PUM1: variants seen among roughly 807,000 people sequenced by gnomAD.
PUM1 encodes pumilio homolog 1.
In PUM1, 13 loss-of-function variants were observed where a neutral mutation model predicts 131.8. The observed-to-expected ratio is 0.10, with a 90% CI of 0.06 to 0.16. The LOEUF is 0.16. PUM1 is among the 10% of genes least tolerant of loss of function. PUM1 has a pLI of 1.00. For missense variants in PUM1, 961 were observed against 1,512.4 expected (o/e 0.64, Z 6.05); for synonymous variants, 509 against 556.5 (o/e 0.91, Z 1.20).
chr1:30,968,400 C>A lies in PUM1; in HGVS notation c.1599G>T (p.Val533=), dbSNP rs1408439696. 6 of 1,594,402 alleles carry A rather than the reference C, an allele frequency of 3.8e-6. No homozygotes were observed. The highest frequency in any genetic ancestry group is 4.3e-6 in the Non-Finnish European group (5 of 1,170,480). ...CTTGTCCAAATGCAAGGGCAGAATT[C>A]ACTGCTGCAGCTGCCACAAGGGGAT... The part of the protein sequence containing the change: ...QTDPLVAAAA[V]NSALAFGQGL... Residue 533 remains valine, a synonymous_variant, in exon 11 of 22, where the codon GTG becomes GTT. Transcript: ENST00000426105.
At chr1:31,057,360 CAT>C (rs1318194951) in intron 2 of PUM1, among the ~76,000 whole-genome samples, 2 of 123,362 alleles carry the variant, frequency 1.6e-5, no homozygotes, top group Admixed American at 8.7e-5. Flanking sequence ...CCAATATCAT[CAT>C]ATCACCACAC....
intron 2 of PUM1, among the ~76,000 whole-genome samples, chr1:31,031,382 A>G (rs1193670447): frequency 6.6e-6 from 1 of 152,232 alleles, no homozygotes; most frequent in East Asian, 1.9e-4. Context: ...GGAGTAAGAA[A>G]AAAAGTATGC....
intron 3 of PUM1, among the ~76,000 whole-genome samples, chr1:31,025,545 C>CTTTTTTTTTTTTTTTTT: frequency 1.1e-5 from 1 of 88,822 alleles, no homozygotes; most frequent in Non-Finnish European, 2.0e-5. Flanking sequence ...TGTTTTTTGT[C>CTTTTTTTTTTTTTTTTT]TTTTTTTTTT....
intron 5 of PUM1, among the ~76,000 whole-genome samples, chr1:31,001,060 G>A (rs549997310): frequency 3.5e-4 from 53 of 152,106 alleles, no homozygotes; most frequent in Non-Finnish European, 6.3e-4. Context: ...GGTGGTGGGC[G>A]CCTGTAGTCC....
At chr1:30,992,764 G>T in intron 6 of PUM1, 104 bp from the exon 7 acceptor site, 1 of 967,558 alleles carries the variant, frequency 1.0e-6, no homozygotes, top group Non-Finnish European at 1.6e-6. Flanking sequence ...ATTATCAACA[G>T]TATTTAAAAC....
At chr1:31,052,157 C>T (rs1019206854) in intron 2 of PUM1, among the ~76,000 whole-genome samples, 8 of 152,012 alleles carry the variant, frequency 5.3e-5, no homozygotes, top group South Asian at 4.2e-4. Context: ...GGACTACAGG[C>T]GCCCACCACC....
intron 5 of PUM1, 59 bp from the exon 6 acceptor site, chr1:30,995,279 C>T: frequency 1.3e-6 from 2 of 1,578,602 alleles, no homozygotes; most frequent in Non-Finnish European, 1.7e-6. Context: ...AACGGGCAAC[C>T]GTTGTGGGCA....
At chr1:30,945,136 A>AG (rs1481392880) in intron 18 of PUM1, among the ~76,000 whole-genome samples, 5 of 152,018 alleles carry the variant, frequency 3.3e-5, no homozygotes, top group Admixed American at 1.3e-4. Context: ...TGGGAGGCTG[A>AG]GGGGGGAGGA....
At chr1:31,037,827 G>A (rs905543515) in intron 2 of PUM1, among the ~76,000 whole-genome samples, 1 of 152,060 alleles carries the variant, frequency 6.6e-6, no homozygotes, top group African/African-American at 2.4e-5. Flanking sequence ...AAGGTGGGCA[G>A]ATCACGAGGT....
chr1:31,055,513 C>T (rs1487848633), intron 2 of PUM1: 1 of 392,020 alleles, frequency 2.6e-6, no homozygotes, highest in Non-Finnish European at 5.1e-6. Flanking sequence ...TCCACAACTG[C>T]AATATACCAA....
chr1:31,050,861 C>G (rs1644091474), intron 2 of PUM1: 1 of 233,004 alleles, frequency 4.3e-6, no homozygotes, highest in Admixed American at 4.1e-5. Context: ...CACTGCACTC[C>G]TGAGAGCAAG....
chr1:30,984,284 T>C (rs1381527948), intron 7 of PUM1, among the ~76,000 whole-genome samples: 1 of 152,232 alleles, frequency 6.6e-6, no homozygotes, highest in African/African-American at 2.4e-5. Flanking sequence ...TCTCTTTATG[T>C]AAATGGTGCA....
chr1:30,993,150 C>T (rs1641854767), intron 6 of PUM1, among the ~76,000 whole-genome samples: 1 of 152,222 alleles, frequency 6.6e-6, no homozygotes, highest in East Asian at 1.9e-4. Context: ...AAAGTTTTTA[C>T]ATGTCGTTGG....
At chr1:31,000,140 G>A (rs963790815) in intron 5 of PUM1, among the ~76,000 whole-genome samples, 1 of 152,202 alleles carries the variant, frequency 6.6e-6, no homozygotes, top group Non-Finnish European at 1.5e-5. Context: ...CCACAATTGA[G>A]AACCAAGGTA....
chr1:30,970,516 T>C (rs1304220418), intron 10 of PUM1, among the ~76,000 whole-genome samples: 1 of 152,210 alleles, frequency 6.6e-6, no homozygotes, highest in Non-Finnish European at 1.5e-5. Context: ...ATTATCAAGA[T>C]ATTATATAAT....
At chr1:30,942,359 C>A (rs1639491220) in intron 18 of PUM1, among the ~76,000 whole-genome samples, 1 of 151,108 alleles carries the variant, frequency 6.6e-6, no homozygotes, top group South Asian at 2.1e-4. Flanking sequence ...TAGATGTGCA[C>A]AATTCAGAGC....
intron 2 of PUM1, among the ~76,000 whole-genome samples, chr1:31,057,221 T>C (rs186645613): frequency 6.6e-6 from 1 of 152,084 alleles, no homozygotes; most frequent in African/African-American, 2.4e-5. Flanking sequence ...CTGGCCAACA[T>C]GGCAAAACCC....
intron 2 of PUM1, among the ~76,000 whole-genome samples, chr1:31,038,035 C>T (rs898020615): frequency 4.0e-5 from 6 of 151,004 alleles, no homozygotes; most frequent in Admixed American, 1.3e-4. Flanking sequence ...GCCGAGATTT[C>T]GCCACTGCAC....
At chr1:31,038,984 A>ATATATATATTTT in intron 2 of PUM1, among the ~76,000 whole-genome samples, 16 of 49,412 alleles carry the variant, frequency 3.2e-4, no homozygotes, top group African/African-American at 4.1e-4. Context: ...ATATATATAT[A>ATATATATATTTT]TTTTTTTTTT....
Sources: gnomAD v4.1 joint callset for allele counts (sites outside exome capture counted in the v4.1 genomes callset) on GRCh38, gnomAD v4.1.1 for gene constraint, MANE v1.5 for transcripts, NCBI Gene and HGNC (gene_info 2026-07-23, HGNC 2026-07-21) for gene names.